RAD51B: variants seen among roughly 807,000 people sequenced by gnomAD.
RAD51B encodes RAD51 paralog B.
In RAD51B, 38 loss-of-function variants were observed where a neutral mutation model predicts 42.2. That is an observed-to-expected ratio of 0.90 (90% CI 0.70 to 1.18). RAD51B has a LOEUF of 1.18. Ranked by LOEUF, RAD51B falls within the 50% of genes most tolerant of loss-of-function variation. RAD51B has a pLI of 0.00. For synonymous variants in RAD51B, 154 were observed against 145.2 expected (o/e 1.06, Z -0.43); for missense variants, 373 against 400.7 (o/e 0.93, Z 0.59).
intron 11 of RAD51B, among the ~76,000 whole-genome samples, chr14:68,681,360 C>G (rs1450267921): frequency 6.6e-6 from 1 of 151,908 alleles, no homozygotes. Flanking sequence ...GACAAATGAA[C>G]AAGATGTAAG....
At chr14:67,958,845 A>G (rs1443149577) in intron 7 of RAD51B, among the ~76,000 whole-genome samples, 4 of 152,212 alleles carry the variant, frequency 2.6e-5, no homozygotes, top group Non-Finnish European at 5.9e-5. Context: ...GGACACAACT[A>G]TTAAGTTTAG....
At chr14:68,541,517 C>A (rs1887965829) in intron 10 of RAD51B, 6 of 985,408 alleles carry the variant, frequency 6.1e-6, no homozygotes, top group East Asian at 1.1e-4. Flanking sequence ...GACCACTTTG[C>A]CTTGGAAACT....
intron 7 of RAD51B, among the ~76,000 whole-genome samples, chr14:68,077,475 A>G: frequency 6.6e-6 from 1 of 152,198 alleles, no homozygotes; most frequent in East Asian, 1.9e-4. Flanking sequence ...TTAACTTTTG[A>G]AAAAGTTTCA....
chr14:68,629,564 G>A (rs1206572551), intron 10 of RAD51B, among the ~76,000 whole-genome samples: 1 of 152,162 alleles, frequency 6.6e-6, no homozygotes, highest in Non-Finnish European at 1.5e-5. Flanking sequence ...TCAGCATCTT[G>A]AAGGGAAATT....
At chr14:68,324,633 G>A (rs1269013224) in intron 8 of RAD51B, among the ~76,000 whole-genome samples, 1 of 152,192 alleles carries the variant, frequency 6.6e-6, no homozygotes, top group East Asian at 1.9e-4. Flanking sequence ...TGTGTTTCAT[G>A]TTGTATATTA....
At chr14:68,663,810 A>G (rs566680576) in intron 11 of RAD51B, among the ~76,000 whole-genome samples, 3 of 152,346 alleles carry the variant, frequency 2.0e-5, no homozygotes, top group African/African-American at 7.2e-5. Context: ...CTTTCCAGCT[A>G]TAGTTACTGA....
chr14:68,259,064 G>T (rs2080819701), intron 7 of RAD51B, among the ~76,000 whole-genome samples: 1 of 152,160 alleles, frequency 6.6e-6, no homozygotes, highest in South Asian at 2.1e-4. Context: ...TGGCAGGTGG[G>T]CTTGAAAGAA....
intron 7 of RAD51B, chr14:68,114,078 G>C (rs539835374): frequency 1.5e-4 from 23 of 152,206 alleles, no homozygotes; most frequent in African/African-American, 5.3e-4. Flanking sequence ...TTTGGTGAGA[G>C]TTTTCCACAC....
chr14:68,515,795 T>TTTTTTTAGA (rs1886109272), intron 10 of RAD51B, among the ~76,000 whole-genome samples: 1 of 126,842 alleles, frequency 7.9e-6, no homozygotes, highest in African/African-American at 3.4e-5. Context: ...TTTTTTTTTT[T>TTTTTTTAGA]GAGACAGAGT....
At chr14:68,586,266 C>T (rs952339006) in intron 10 of RAD51B, among the ~76,000 whole-genome samples, 2 of 152,186 alleles carry the variant, frequency 1.3e-5, no homozygotes, top group Admixed American at 1.3e-4. Flanking sequence ...TGTAGCAACT[C>T]CCCAGCTCAG....
chr14:68,065,538 G>A (rs148204680), intron 7 of RAD51B, among the ~76,000 whole-genome samples: 1,703 of 152,270 alleles, frequency 0.011, 32 homozygotes, highest in Non-Finnish European at 0.014. Context: ...ATTGGCCATC[G>A]GAATGGCTTG....
At chr14:67,964,819 T>G (rs1021098233) in intron 7 of RAD51B, among the ~76,000 whole-genome samples, 19 of 152,340 alleles carry the variant, frequency 1.2e-4, no homozygotes, top group African/African-American at 4.6e-4. Flanking sequence ...CTCTTAGTAA[T>G]GGACCTTCTT....
In RAD51B at chr14:68,522,280, G is replaced by A. The variant is rs908228517; in HGVS notation, c.1036+54030G>A. ...AGTGCAGGTCAAAGCCCTGGTTGCT[G>A]ATTACAGACAAGATGGGAGTCATGT... is the stretch of plus-strand genomic sequence containing the variant. On this transcript the variant is annotated intron_variant, in intron 10 of 10. Coordinates refer to the RAD51B transcript ENST00000487270. Among the ~76,000 whole-genome samples the A allele has an allele frequency of 2.6e-5, 4 of 152,338 alleles. 1 individual carries two copies. The highest frequency in any genetic ancestry group is 6.8e-3 in the Middle Eastern group (2 of 294).
intron 7 of RAD51B, among the ~76,000 whole-genome samples, chr14:67,938,822 ATTTCATTGCTACC>A (rs2045052769): frequency 1.3e-5 from 2 of 152,202 alleles, no homozygotes; most frequent in Admixed American, 1.3e-4. Flanking sequence ...TCACTTGACA[ATTTCATTGCTACC>A]TAAGATTTTT....
intron 7 of RAD51B, among the ~76,000 whole-genome samples, chr14:68,010,721 GAAGTCATATTGGAATAATTTGGA>G (rs2075670125): frequency 1.3e-5 from 2 of 151,794 alleles, no homozygotes; most frequent in African/African-American, 4.8e-5. Flanking sequence ...CACTTAGTTT[GAAGTCATATTGGAATAATTTGGA>G]GAAAGGTAGA....
intron 7 of RAD51B, chr14:68,125,441 A>G (rs1375163551): frequency 6.6e-6 from 1 of 152,196 alleles, no homozygotes; most frequent in Non-Finnish European, 1.5e-5. Context: ...AGTCGTTCAT[A>G]AGTAGCTGGC....
chr14:68,379,914 G>A (rs904129010), intron 8 of RAD51B, among the ~76,000 whole-genome samples: 7 of 152,244 alleles, frequency 4.6e-5, no homozygotes, highest in African/African-American at 1.7e-4. Context: ...TCCGCTGTTG[G>A]CGGCTGCTGT....
intron 10 of RAD51B, among the ~76,000 whole-genome samples, chr14:68,519,911 G>GA (rs1886451922): frequency 6.6e-6 from 1 of 152,044 alleles, no homozygotes; most frequent in Non-Finnish European, 1.5e-5. Flanking sequence ...AAGAAAAAGA[G>GA]AAAAAAAGGA....
intron 9 of RAD51B, among the ~76,000 whole-genome samples, chr14:68,415,966 T>A (rs2084546333): frequency 6.6e-6 from 1 of 152,076 alleles, no homozygotes; most frequent in African/African-American, 2.4e-5. Context: ...TGGAAAGAGG[T>A]CTTTTTTTCA....
Sources: gnomAD v4.1 joint callset for allele counts (sites outside exome capture counted in the v4.1 genomes callset) on GRCh38, gnomAD v4.1.1 for gene constraint, MANE v1.5 for transcripts, NCBI Gene and HGNC (gene_info 2026-07-23, HGNC 2026-07-21) for gene names.